The following NXPE1 variants were observed in gnomAD, a reference collection of about 807,000 sequenced individuals.
NXPE1 encodes neurexophilin and PC-esterase domain family member 1.
Under a neutral mutation model 33.3 loss-of-function variants are expected in NXPE1, and 31 were observed. The observed-to-expected ratio is 0.93, with a 90% confidence interval of 0.70 to 1.26. The LOEUF is 1.26. Ranked by LOEUF, NXPE1 falls within the 50% of genes most tolerant of loss-of-function variation. NXPE1 has a pLI of 0.00. For synonymous variants in NXPE1, 229 were observed against 231.4 expected (o/e 0.99, Z 0.09); for missense variants, 661 against 655.6 (o/e 1.01, Z -0.09).
rs756783063 is a variant in NXPE1, at chr11:114,523,084, TTC to T, written c.901_902del (p.Glu301LysfsTer38). The T allele has an allele frequency of 5.0e-6, 8 of 1,611,798 alleles. No individual in the cohort carries two copies. The Admixed American group carries it at 6.7e-5, about 13-fold the overall frequency. On this transcript the variant is annotated frameshift_variant, in exon 8 of 9. Transcript: ENST00000534921. LOFTEE classifies it high-confidence loss of function. Reference sequence around the variant, plus strand: ...CAACTTGGCATGTCTCTTCTATTTTTTCTCTCTCTGGTAACAAAGACACTCGT... The same window carrying T: ...CAACTTGGCATGTCTCTTCTATTTTTTCTCTCTGGTAACAAAGACACTCGT...
At chr11:114,543,825 G>T (rs991197572) in intron 5 of NXPE1, among the ~76,000 whole-genome samples, 1 of 152,196 alleles carries the variant, frequency 6.6e-6, no homozygotes, top group Admixed American at 6.5e-5. Flanking sequence ...GACTGTCTAC[G>T]TAGAATCTAC....
intron 5 of NXPE1, among the ~76,000 whole-genome samples, chr11:114,545,310 A>T (rs1380539761): frequency 6.6e-6 from 1 of 152,234 alleles, no homozygotes. Context: ...ACTGGAAGCA[A>T]CCAAGAGCTC....
downstream of NXPE1, among the ~76,000 whole-genome samples, chr11:114,521,136 T>A (rs1268254194): frequency 6.6e-6 from 1 of 152,106 alleles, no homozygotes; most frequent in Admixed American, 6.5e-5. Context: ...GAAATTTCCT[T>A]TATCTATTAG....
At chr11:114,551,473 T>G (rs1948480706) in intron 3 of NXPE1, 32 bp from the exon 4 acceptor site, 12 of 1,116,482 alleles carry the variant, frequency 1.1e-5, no homozygotes, top group African/African-American at 3.2e-5. Flanking sequence ...CCTTATAGGT[T>G]CTCTTAATGC....
At chr11:114,545,945 T>G (rs1295318811) in intron 5 of NXPE1, among the ~76,000 whole-genome samples, 2 of 152,076 alleles carry the variant, frequency 1.3e-5, no homozygotes, top group African/African-American at 4.8e-5. Flanking sequence ...CACCTCGGCC[T>G]CCCAAAGTGC....
In NXPE1 at chr11:114,530,824, G is replaced by A. The variant is rs142166006; in HGVS notation, c.184C>T (p.Pro62Ser). 7.4e-4 allele frequency: 1,201 copies of A among 1,614,130 alleles called. 13 individuals are homozygous for A. The African/African-American group carries it at 0.013, about 17-fold the overall frequency. The change falls in exon 6 of 9, where the codon CCA (proline) becomes TCA (serine). Residue 62 changes from proline (P) to serine (S), a missense_variant. Physicochemically the swap from Pro to Ser is moderately conservative, Grantham distance 74. Coordinates refer to ENST00000534921, the Ensembl canonical transcript of NXPE1. Reference sequence around the variant, plus strand: ...TCAGTCTCTGTTAGTGGCTTTAATGGTATCAGTGATGTTTTAGGGAATAAG... The same window carrying A: ...TCAGTCTCTGTTAGTGGCTTTAATGATATCAGTGATGTTTTAGGGAATAAG...
chr11:114,536,121 A>G (rs540613130), intron 5 of NXPE1, among the ~76,000 whole-genome samples: 4 of 152,160 alleles, frequency 2.6e-5, no homozygotes, highest in African/African-American at 9.6e-5. Context: ...ACTCAGGATT[A>G]AGAAACTCAC....
At chr11:114,549,072 C>T (rs1047112860) in intron 5 of NXPE1, among the ~76,000 whole-genome samples, 12 of 151,578 alleles carry the variant, frequency 7.9e-5, no homozygotes, top group Non-Finnish European at 1.8e-4. Context: ...TCAGAAAATA[C>T]AACCTATCAA....
intron 5 of NXPE1, among the ~76,000 whole-genome samples, chr11:114,533,249 A>C (rs1947653130): frequency 1.3e-5 from 2 of 152,252 alleles, no homozygotes; most frequent in South Asian, 4.1e-4. Flanking sequence ...AGCCGAATAC[A>C]AAACAAACTC....
intron 5 of NXPE1, among the ~76,000 whole-genome samples, chr11:114,536,272 T>G (rs572274292): frequency 6.6e-6 from 1 of 152,150 alleles, no homozygotes; most frequent in Middle Eastern, 3.4e-3. Flanking sequence ...CTCTGGGACA[T>G]ATTCAAAGCA....
At chr11:114,536,283 G>A (rs1292967825) in intron 5 of NXPE1, among the ~76,000 whole-genome samples, 1 of 151,996 alleles carries the variant, frequency 6.6e-6, no homozygotes, top group African/African-American at 2.4e-5. Flanking sequence ...ATTCAAAGCA[G>A]TGTGTAGAGG....
chr11:114,526,941 C>G (rs1327604260), intron 7 of NXPE1, among the ~76,000 whole-genome samples: 1 of 152,192 alleles, frequency 6.6e-6, no homozygotes, highest in Non-Finnish European at 1.5e-5. Context: ...CTTCTTCATT[C>G]TCTGACTACA....
chr11:114,523,551 A>G (rs1947280268), intron 7 of NXPE1, among the ~76,000 whole-genome samples: 1 of 152,210 alleles, frequency 6.6e-6, no homozygotes, highest in Non-Finnish European at 1.5e-5. Flanking sequence ...CATTAAATAT[A>G]AAAACCTCAA....
chr11:114,520,258 T>C (rs1009216464), downstream of NXPE1, among the ~76,000 whole-genome samples: 11 of 152,340 alleles, frequency 7.2e-5, no homozygotes, highest in Admixed American at 3.9e-4. Flanking sequence ...TACACCTCCC[T>C]GTTTTCTCTT....
At chr11:114,553,344 A>G (rs1476370153) in intron 1 of NXPE1, among the ~76,000 whole-genome samples, 2 of 152,150 alleles carry the variant, frequency 1.3e-5, no homozygotes, top group African/African-American at 4.8e-5. Context: ...GAATCTACCT[A>G]TCTTGGATTG....
chr11:114,532,358 C>T (rs561916098), intron 5 of NXPE1, among the ~76,000 whole-genome samples: 1 of 151,692 alleles, frequency 6.6e-6, no homozygotes, highest in African/African-American at 2.4e-5. Context: ...CCTTTTGGTT[C>T]TCTGGAAAAT....
At chr11:114,542,633 A>G (rs1948139216) in intron 5 of NXPE1, among the ~76,000 whole-genome samples, 1 of 152,178 alleles carries the variant, frequency 6.6e-6, no homozygotes, top group East Asian at 1.9e-4. Flanking sequence ...TAACTGAAGT[A>G]AAAGGACATT....
intron 5 of NXPE1, among the ~76,000 whole-genome samples, chr11:114,532,523 G>A (rs1391156569): frequency 6.6e-6 from 1 of 151,950 alleles, no homozygotes; most frequent in East Asian, 1.9e-4. Flanking sequence ...ACCTCCACAA[G>A]TCACAGGCTG....
chr11:114,531,042 G>GAA (rs1947559972), intron 5 of NXPE1, 134 bp from the exon 6 acceptor site: 1 of 938,994 alleles, frequency 1.1e-6, no homozygotes, highest in Non-Finnish European at 1.5e-6. Flanking sequence ...TGAATATTTG[G>GAA]TAATAAAGTG....
Sources: gnomAD v4.1 joint callset for allele counts (sites outside exome capture counted in the v4.1 genomes callset) on GRCh38, gnomAD v4.1.1 for gene constraint, MANE v1.5 for transcripts, NCBI Gene and HGNC (gene_info 2026-07-23, HGNC 2026-07-21) for gene names.